The following FHIT variants were observed in gnomAD, a reference collection of about 807,000 sequenced individuals.
FHIT encodes the protein fragile histidine triad diadenosine triphosphatase.
In FHIT, 19 loss-of-function variants were observed where a neutral mutation model predicts 17.9. The ratio of observed to expected loss-of-function variants is 1.06; its 90% CI spans 0.74 to 1.56. The LOEUF (loss-of-function observed/expected upper bound fraction) is 1.56, where lower values mean the gene tolerates loss of function less well. Among genes scored for constraint, FHIT ranks in the 40% most tolerant of loss-of-function variants. The pLI is 0.00. For missense variants in FHIT, 248 were observed against 189.2 expected (o/e 1.31, Z -1.82); for synonymous variants, 81 against 69.7 (o/e 1.16, Z -0.81).
At chr3:60,318,723 A>T (rs1191990711) in intron 5 of FHIT, among the ~76,000 whole-genome samples, 1 of 152,196 alleles carries the variant, frequency 6.6e-6, no homozygotes, top group East Asian at 1.9e-4. Context: ...CTCTGCATTC[A>T]TTTTTGATTG....
chr3:60,650,379 G>C (rs1415713769), intron 4 of FHIT, among the ~76,000 whole-genome samples: 2 of 152,058 alleles, frequency 1.3e-5, no homozygotes, highest in Admixed American at 1.3e-4. Context: ...TTTTTCACAA[G>C]AGAAAGCCCA....
chr3:60,384,934 TAC>T (rs1700952325), intron 5 of FHIT, among the ~76,000 whole-genome samples: 1 of 152,182 alleles, frequency 6.6e-6, no homozygotes, highest in African/African-American at 2.4e-5. Flanking sequence ...TTTCGCTCTA[TAC>T]AGTTTTAAAA....
At chr3:61,047,855 GA>G (rs1242160729) in intron 2 of FHIT, among the ~76,000 whole-genome samples, 2 of 59,870 alleles carry the variant, frequency 3.3e-5, no homozygotes, top group African/African-American at 7.2e-5. Context: ...TGACAAACAT[GA>G]AAAAACAAGC....
intron 5 of FHIT, among the ~76,000 whole-genome samples, chr3:60,411,334 T>C (rs1444156413): frequency 6.6e-6 from 1 of 152,190 alleles, no homozygotes; most frequent in East Asian, 1.9e-4. Context: ...GCATTCATTG[T>C]AGGGAAAAAT....
At chr3:61,183,983 C>G (rs75773855) in intron 2 of FHIT, among the ~76,000 whole-genome samples, 1 of 152,082 alleles carries the variant, frequency 6.6e-6, no homozygotes, top group Non-Finnish European at 1.5e-5. Flanking sequence ...TTTTTTACTT[C>G]TTTCTCAGTC....
intron 5 of FHIT, among the ~76,000 whole-genome samples, chr3:60,489,041 G>C (rs73100284): frequency 0.021 from 3,242 of 152,116 alleles, 44 homozygotes; most frequent in Non-Finnish European, 0.036. Context: ...CAATGAGTTG[G>C]GATTTCCAAG....
intron 8 of FHIT, among the ~76,000 whole-genome samples, chr3:59,818,888 A>G (rs1010950937): frequency 4.6e-5 from 7 of 152,236 alleles, no homozygotes; most frequent in African/African-American, 1.7e-4. Context: ...GAAAGAAACT[A>G]AACACCTCTT....
chr3:60,777,205 G>A (rs575036904), intron 4 of FHIT, among the ~76,000 whole-genome samples: 84 of 152,248 alleles, frequency 5.5e-4, no homozygotes, highest in Non-Finnish European at 1.1e-3. Flanking sequence ...ACCATGGCCC[G>A]TGACACAGCC....
intron 2 of FHIT, among the ~76,000 whole-genome samples, chr3:61,127,416 G>A (rs6445195): frequency 0.73 from 111,694 of 152,180 alleles, 41,736 homozygotes; most frequent in Non-Finnish European, 0.78. Context: ...TTAAACAGCA[G>A]AGAAAATCAA....
At chr3:60,124,003 TATATATAGAGAGAG>T (rs1176937494) in intron 5 of FHIT, among the ~76,000 whole-genome samples, 11 of 24,582 alleles carry the variant, frequency 4.5e-4, no homozygotes, top group South Asian at 1.8e-3. Flanking sequence ...TATATATATA[TATATATAGAGAGAG>T]AGAGAGAGAG....
intron 4 of FHIT, among the ~76,000 whole-genome samples, chr3:60,656,927 A>G (rs1191780989): frequency 6.6e-6 from 1 of 151,978 alleles, no homozygotes; most frequent in African/African-American, 2.4e-5. Context: ...GCAGAGTGCT[A>G]TATGGTATGT....
chr3:59,755,831 C>T (rs1024322084), intron 8 of FHIT, among the ~76,000 whole-genome samples: 2 of 148,162 alleles, frequency 1.3e-5, no homozygotes, highest in Non-Finnish European at 3.0e-5. Context: ...CACAAAGAAA[C>T]GTTATGAAAA....
At chr3:60,181,190 G>C (rs1701916379) in intron 5 of FHIT, among the ~76,000 whole-genome samples, 1 of 142,010 alleles carries the variant, frequency 7.0e-6, no homozygotes, top group Non-Finnish European at 1.5e-5. Flanking sequence ...TCTGTCACCA[G>C]GCTGGAGTGC....
chr3:60,886,134 C>T (rs560644409), intron 3 of FHIT, among the ~76,000 whole-genome samples: 10 of 152,226 alleles, frequency 6.6e-5, no homozygotes, highest in Admixed American at 3.9e-4. Flanking sequence ...TATGTAATAT[C>T]GAATCCATAA....
chr3:60,313,530 T>G (rs4679531), intron 5 of FHIT, among the ~76,000 whole-genome samples: 68,807 of 151,950 alleles, frequency 0.45, 16,353 homozygotes, highest in East Asian at 0.84. Flanking sequence ...TCAAACCCTG[T>G]CACTTTATAC....
intron 2 of FHIT, among the ~76,000 whole-genome samples, chr3:61,145,037 G>C (rs1031697936): frequency 6.6e-6 from 1 of 152,076 alleles, no homozygotes; most frequent in Non-Finnish European, 1.5e-5. Context: ...AAAGTTTTAA[G>C]TTTTAACAAA....
chr3:60,866,307 G>A (rs1273915527), intron 3 of FHIT, among the ~76,000 whole-genome samples: 1 of 152,164 alleles, frequency 6.6e-6, no homozygotes, highest in Non-Finnish European at 1.5e-5. Flanking sequence ...ATAAGATGCT[G>A]CAGAAATGTA....
At chr3:60,127,091 T>G (rs1705585971) in intron 5 of FHIT, among the ~76,000 whole-genome samples, 1 of 152,152 alleles carries the variant, frequency 6.6e-6, no homozygotes, top group Admixed American at 6.5e-5. Context: ...TATCACTAGC[T>G]TCTACTTGTG....
intron 8 of FHIT, among the ~76,000 whole-genome samples, chr3:59,773,608 C>G (rs1467381105): frequency 6.6e-6 from 1 of 152,156 alleles, no homozygotes; most frequent in Non-Finnish European, 1.5e-5. Context: ...TTTCACGAAG[C>G]CTTCCTGGAG....
Sources: allele counts gnomAD v4.1 joint callset (sites outside exome capture counted in the v4.1 genomes callset), GRCh38; gene constraint gnomAD v4.1.1; transcripts MANE v1.5; gene names NCBI Gene and HGNC (gene_info 2026-07-23, HGNC 2026-07-21).